Variants in CCDC66 observed in about 807,000 individuals in gnomAD.
CCDC66 encodes the protein coiled-coil domain containing 66.
Under a neutral mutation model 128.3 loss-of-function variants are expected in CCDC66, and 133 were observed. The observed-to-expected ratio is 1.04, with a 90% CI of 0.90 to 1.20. The LOEUF (loss-of-function observed/expected upper bound fraction) is 1.20, where lower values mean the gene tolerates loss of function less well. Ranked by LOEUF, CCDC66 falls within the 50% of genes most tolerant of loss-of-function variation. CCDC66 has a pLI of 0.00. For synonymous variants in CCDC66, 387 were observed against 357.0 expected (o/e 1.08, Z -0.95); for missense variants, 1,126 against 1,075.5 (o/e 1.05, Z -0.66).
chr3:56,619,401 T>A lies in CCDC66; in HGVS notation c.2509T>A (p.Ser837Thr). 9 of 1,614,080 alleles carry A rather than the reference T, an allele frequency of 5.6e-6. No individual in the cohort carries two copies. The highest frequency in any genetic ancestry group is 7.6e-6 in the Non-Finnish European group (9 of 1,179,984). The part of the protein sequence containing the change: ...LISGSNQTEL[S>T]SGISESSHFI... ...CTCAGGAAGTAATCAAACAGAATTA[T>A]CATCTGGGATTTCTGAATCATCCCA... The change falls in exon 16 of 18, where the codon TCA (serine) becomes ACA (threonine). Residue 837 changes from serine to threonine, a missense_variant. Ser to Thr is a moderately conservative substitution (Grantham distance 58, BLOSUM62 1). Coordinates refer to ENST00000394672, the MANE Select transcript of CCDC66 (RefSeq NM_001141947.3).
intron 4 of CCDC66, 105 bp downstream of exon 4, chr3:56,564,230 T>A: frequency 1.3e-6 from 1 of 783,992 alleles, no homozygotes; most frequent in Non-Finnish European, 2.0e-6. Flanking sequence ...AACTCTAATT[T>A]AACCTGTCAA....
chr3:56,619,567 A>G, intron 16 of CCDC66, 40 bp downstream of exon 16: 1 of 1,486,608 alleles, frequency 6.7e-7, no homozygotes, highest in East Asian at 2.5e-5. Context: ...AAAATTGAAG[A>G]CCCATGTAAA....
In CCDC66 at chr3:56,564,121, A is replaced by G. The variant is rs2065473128; in HGVS notation, c.540A>G (p.Ala180=). The change falls in exon 4 of 18, where the codon GCA becomes GCG. Residue 180 remains alanine, a synonymous_variant. Transcript: ENST00000394672. ...CCCTGACTGAGAATGGAAAGGAGGC[A>G]AAAAGTAAGATTTTTCTAAAGTTTT... The part of the protein sequence containing the change: ...SLSLTENGKE[A]KSQYSLYLNS... The G allele has an allele frequency of 1.3e-6, 2 of 1,583,168 alleles. No individual in the cohort carries two copies. Among genetic ancestry groups the G allele is most frequent in the African/African-American group, 1.4e-5 (1 of 73,190 alleles).
chr3:56,582,857 TA>T (rs2068667138), intron 7 of CCDC66, among the ~76,000 whole-genome samples: 2 of 128,568 alleles, frequency 1.6e-5, no homozygotes, highest in Non-Finnish European at 3.3e-5. Context: ...TCTTTATTAT[TA>T]TTATTATTAT....
At chr3:56,618,053 C>CA in intron 14 of CCDC66, 119 bp from the exon 15 acceptor site, 1 of 814,590 alleles carries the variant, frequency 1.2e-6, no homozygotes, top group Non-Finnish European at 2.1e-6. Context: ...ATTGCTCAGT[C>CA]AGTACCTGTT....
At chr3:56,594,526 CA>C (rs1401116134) in intron 10 of CCDC66, among the ~76,000 whole-genome samples, 4 of 151,732 alleles carry the variant, frequency 2.6e-5, no homozygotes. Context: ...ACTAAAAATA[CA>C]AAAAATTAGC....
chr3:56,586,063 T>C (rs905788200), intron 7 of CCDC66, among the ~76,000 whole-genome samples: 1 of 151,922 alleles, frequency 6.6e-6, no homozygotes, highest in Non-Finnish European at 1.5e-5. Context: ...AATGGTGGTA[T>C]TGTCTCACTC....
chr3:56,567,024 CAAAA>C lies in CCDC66; in HGVS notation c.789_792del (p.Lys264ProfsTer7). On this transcript the variant is annotated frameshift_variant, in exon 6 of 18. Coordinates refer to ENST00000394672, the MANE Select transcript of CCDC66 (RefSeq NM_001141947.3). LOFTEE classifies it high-confidence loss of function. ...GAATGTGATAGAAGTTCGTTGGAAG[CAAAA>C]AAAGCCCAGTGGAGGAAAGAGCTAG... 1.2e-6 allele frequency: 2 copies of C among 1,612,718 alleles called. No homozygotes were observed. The highest frequency in any genetic ancestry group is 1.7e-6 in the Non-Finnish European group (2 of 1,179,328).
rs1178945305 is a variant in CCDC66, at chr3:56,619,917, A to G, written c.2760+16A>G. Reference sequence around the variant, plus strand: ...ACTGAGACAGGTATGAGCTTTTTCAAGTGTAGATATGTCTGTTCTTTATGT... The same window carrying G: ...ACTGAGACAGGTATGAGCTTTTTCAGGTGTAGATATGTCTGTTCTTTATGT... On this transcript the variant is annotated intron_variant, in intron 17 of 17. Coordinates refer to ENST00000394672, the MANE Select transcript of CCDC66 (RefSeq NM_001141947.3). The G allele has an allele frequency of 1.2e-6, 2 of 1,612,734 alleles. No homozygotes were observed. The highest frequency in any genetic ancestry group is 2.2e-5 in the East Asian group (1 of 44,836).
At chr3:56,603,265 G>T (rs2073528135) in intron 10 of CCDC66, among the ~76,000 whole-genome samples, 2 of 151,736 alleles carry the variant, frequency 1.3e-5, no homozygotes, top group African/African-American at 4.9e-5. Flanking sequence ...TTTTTTGAAG[G>T]GTTTCGTGTC....
Position 56,616,111 on chromosome 3 carries a change from A to G in CCDC66, c.1843+58A>G, listed in dbSNP as rs199573799. The G allele has an allele frequency of 5.0e-5, 73 of 1,454,666 alleles. No homozygotes were observed. The East Asian group carries it at 1.8e-3, about 36-fold the overall frequency. The allele number at this position is 1,454,666 out of a possible 1,614,324, so 90.1% of individuals were successfully genotyped here. ...ATTTACTTAAAGTCATAATTAAAGC[A>G]GTTAGAATTAAGTTCAATTTAAAAG... is the stretch of plus-strand genomic sequence containing the variant. On this transcript the variant is annotated intron_variant, in intron 13 of 17. Transcript: ENST00000394672.
chr3:56,613,765 T>A lies in CCDC66; in HGVS notation c.1566+15T>A. Reference sequence around the variant, plus strand: ...AACAAAAGGAAGTAGGTACTTACATTCTAATTGTAACTTTGGTTTTTGTTT... The same window carrying A: ...AACAAAAGGAAGTAGGTACTTACATACTAATTGTAACTTTGGTTTTTGTTT... On this transcript the variant is annotated intron_variant, in intron 11 of 17. Transcript: ENST00000394672. 1.3e-6 allele frequency: 2 copies of A among 1,595,276 alleles called. No individual in the cohort carries two copies. Among genetic ancestry groups the A allele is most frequent in the Non-Finnish European group, 8.5e-7 (1 of 1,170,474 alleles).
At chr3:56,593,146 A>T in intron 8 of CCDC66, 45 bp downstream of exon 8, 1 of 1,432,330 alleles carries the variant, frequency 7.0e-7, no homozygotes, top group Non-Finnish European at 9.5e-7. Context: ...AATAAAATCA[A>T]AGTCTTTAAT....
intron 7 of CCDC66, among the ~76,000 whole-genome samples, chr3:56,588,645 A>C (rs181153296): frequency 2.6e-5 from 4 of 152,240 alleles, no homozygotes; most frequent in Admixed American, 6.5e-5. Flanking sequence ...ACCAGGCCCT[A>C]CCTCCAACAC....
intron 7 of CCDC66, among the ~76,000 whole-genome samples, chr3:56,584,422 GC>G (rs558777542): frequency 6.6e-6 from 1 of 150,894 alleles, no homozygotes; most frequent in African/African-American, 2.4e-5. Flanking sequence ...AGACGGGGCG[GC>G]CAGGCGGAGA....
In CCDC66 at chr3:56,584,000, G is replaced by A. The variant is rs1413389734; in HGVS notation, c.937-8970G>A. Among the ~76,000 whole-genome samples the A allele has an allele frequency of 1.7e-3, 147 of 87,520 alleles. 1 individual carries two copies. The highest frequency in any genetic ancestry group is 2.7e-3 in the Non-Finnish European group (110 of 40,452). The allele number at this position is 87,520 out of a possible 152,430, so 57.4% of individuals were successfully genotyped here. A position where few individuals can be genotyped will look rare whatever the true frequency, so the allele number is the denominator to read the frequency against. ...CCCCCACCTCCCTCCCGGACGGGGC[G>A]GCTGGCCGGGCGGGGGGCTGCCCCC... On this transcript the variant is annotated intron_variant, in intron 7 of 17. Transcript: ENST00000394672.
intron 3 of CCDC66, among the ~76,000 whole-genome samples, chr3:56,560,230 CTTTG>C (rs1245280830): frequency 6.6e-6 from 1 of 152,096 alleles, no homozygotes; most frequent in African/African-American, 2.4e-5. Flanking sequence ...TACATTATCA[CTTTG>C]TTTATTTTAA....
chr3:56,617,839 C>T, intron 14 of CCDC66: 1 of 578,508 alleles, frequency 1.7e-6, no homozygotes, highest in Non-Finnish European at 3.0e-6. Flanking sequence ...ACCAGACTAG[C>T]AACAGAAACA....
intron 8 of CCDC66, among the ~76,000 whole-genome samples, 180 bp downstream of exon 8, chr3:56,593,281 T>G (rs2071264715): frequency 6.6e-6 from 1 of 152,216 alleles, no homozygotes; most frequent in South Asian, 2.1e-4. Context: ...TCTTACAACT[T>G]TTTAGAAATT....
Sources: allele counts gnomAD v4.1 joint callset (sites outside exome capture counted in the v4.1 genomes callset), GRCh38; gene constraint gnomAD v4.1.1; transcripts MANE v1.5; gene names NCBI Gene and HGNC (gene_info 2026-07-23, HGNC 2026-07-21).